Variants in MCTP2 observed in about 807,000 individuals in gnomAD.
The protein encoded by MCTP2 is multiple C2 and transmembrane domain containing 2.
In MCTP2, 132 loss-of-function variants were observed where a neutral mutation model predicts 111.6. That is an observed-to-expected ratio of 1.18 (90% CI 1.03 to 1.37). MCTP2 has a LOEUF of 1.37. Among genes scored for constraint, MCTP2 ranks in the 40% most tolerant of loss-of-function variants. The probability of loss-of-function intolerance (pLI) is 0.00; values close to 1 mark genes in which losing one functional copy is unlikely to be tolerated. For missense variants in MCTP2, 1,183 were observed against 1,067.9 expected, an observed-to-expected ratio of 1.11 and a Z score of -1.50; for synonymous variants, 395 against 387.7, an observed-to-expected ratio of 1.02 and a Z score of -0.22.
At chr15:94,472,400 C>A (rs561751495) in intron 21 of MCTP2, among the ~76,000 whole-genome samples, 1 of 152,020 alleles carries the variant, frequency 6.6e-6, no homozygotes, top group African/African-American at 2.4e-5. Flanking sequence ...AACAAAAAAA[C>A]GAAAAAGACA....
chr15:94,476,854 G>C (rs2074410115), intron 22 of MCTP2, 61 bp downstream of exon 22: 4 of 960,252 alleles, frequency 4.2e-6, no homozygotes, highest in Non-Finnish European at 6.7e-6. Context: ...CAGCCCCGGA[G>C]CCAGAGGAAC....
intron 8 of MCTP2, among the ~76,000 whole-genome samples, chr15:94,347,509 G>A (rs1441503406): frequency 1.3e-5 from 2 of 152,058 alleles, no homozygotes; most frequent in Non-Finnish European, 2.9e-5. Context: ...TTCCTGAATG[G>A]CCTTTGTAGA....
intron 18 of MCTP2, 135 bp from the exon 19 acceptor site, chr15:94,442,784 G>C: frequency 1.4e-6 from 1 of 702,362 alleles, no homozygotes; most frequent in East Asian, 2.5e-5. Context: ...AAGAGTTATT[G>C]TTTAAGAGGT....
chr15:94,311,027 T>TTA (rs1555449854), intron 2 of MCTP2, among the ~76,000 whole-genome samples: 11 of 149,080 alleles, frequency 7.4e-5, no homozygotes, highest in Admixed American at 1.3e-4. Flanking sequence ...TTTTTTTTTT[T>TTA]TTTTTTTTTA....
chr15:94,273,612 C>A, intron 1 of MCTP2: 1 of 202,024 alleles, frequency 4.9e-6, no homozygotes. Flanking sequence ...AAGAGCTGAG[C>A]AGAAATACAA....
chr15:94,244,383 C>T (rs527675717), intron 1 of MCTP2, among the ~76,000 whole-genome samples: 1 of 149,154 alleles, frequency 6.7e-6, no homozygotes, highest in South Asian at 2.1e-4. Flanking sequence ...TATATGTATA[C>T]ACATAAATAT....
chr15:94,354,052 A>G (rs2078467138), intron 8 of MCTP2, among the ~76,000 whole-genome samples: 1 of 151,622 alleles, frequency 6.6e-6, no homozygotes, highest in Non-Finnish European at 1.5e-5. Context: ...ATTATTCCGG[A>G]TGGAACATAT....
In MCTP2 at chr15:94,434,909, G is replaced by T. The variant is rs150095050; in HGVS notation, c.2086-5267G>T. On this transcript the variant is annotated intron_variant, in intron 17 of 22. Transcript: ENST00000357742. ...CAGTTTTGTTTGCTCCTTCACCCAG[G>T]CTAGAGTGAAGTGGCGCGATCTTAG... 2.5e-3 allele frequency among the ~76,000 whole-genome samples: 379 copies of T among 149,704 alleles called. 1 individual carries two copies. Among genetic ancestry groups the T allele is most frequent in the African/African-American group, 8.9e-3 (361 of 40,452 alleles).
At chr15:94,444,016 TAG>T (rs2083977454) in intron 19 of MCTP2, among the ~76,000 whole-genome samples, 1 of 141,392 alleles carries the variant, frequency 7.1e-6, no homozygotes, top group Non-Finnish European at 1.5e-5. Context: ...ACAGAAGTAT[TAG>T]TGAAATTATT....
At chr15:94,473,630 C>G (rs1292452098) in intron 21 of MCTP2, among the ~76,000 whole-genome samples, 2 of 152,160 alleles carry the variant, frequency 1.3e-5, no homozygotes. Context: ...GTTGAAACCA[C>G]TTCTGTTTTT....
chr15:94,255,215 T>C (rs1353945022), intron 1 of MCTP2, among the ~76,000 whole-genome samples: 3 of 152,220 alleles, frequency 2.0e-5, no homozygotes, highest in Non-Finnish European at 2.9e-5. Flanking sequence ...CATAAATGAT[T>C]TCAAATACAT....
At chr15:94,330,282 T>C (rs936797761) in intron 4 of MCTP2, among the ~76,000 whole-genome samples, 2 of 152,212 alleles carry the variant, frequency 1.3e-5, no homozygotes, top group Non-Finnish European at 2.9e-5. Context: ...TAAAGGCTGG[T>C]GTCTATTTTC....
At position 94,478,994 on chromosome 15, in the gene MCTP2, G is replaced by A; in HGVS notation, c.2597G>A (p.Ser866Asn). The change falls in exon 23 of 23, where the codon AGC becomes AAC. Residue 866 changes from serine to asparagine, a missense_variant. Physicochemically the swap from Ser to Asn is conservative, Grantham distance 46. Coordinates refer to ENST00000357742, the MANE Select transcript of MCTP2 (RefSeq NM_001385001.1). Reference protein sequence around the residue: ...KVQYAELKLCSSHSPLRKKRS... With the variant: ...KVQYAELKLCNSHSPLRKKRS... The stretch of plus-strand genomic sequence containing the variant: ...CAGTATGCAGAATTGAAACTCTGCA[G>A]CAGCCACAGCCCCCTGCGGAAGAAG... 7 of 1,614,056 alleles carry A rather than the reference G, an allele frequency of 4.3e-6. No individual in the cohort carries two copies. Among genetic ancestry groups the A allele is most frequent in the Non-Finnish European group, 5.9e-6 (7 of 1,179,994 alleles).
chr15:94,300,558 T>C (rs540317276), intron 2 of MCTP2, among the ~76,000 whole-genome samples: 1 of 148,768 alleles, frequency 6.7e-6, no homozygotes, highest in African/African-American at 2.5e-5. Flanking sequence ...TAAACAGAAA[T>C]ATTTGAATGC....
At chr15:94,244,446 A>T (rs933756142) in intron 1 of MCTP2, among the ~76,000 whole-genome samples, 9 of 148,186 alleles carry the variant, frequency 6.1e-5, no homozygotes, top group African/African-American at 9.9e-5. Context: ...ATGTTTATAT[A>T]CGTATATGTA....
chr15:94,480,900 G>T lies in MCTP2; in HGVS notation c.*1866G>T, dbSNP rs969519481. 1.3e-5 allele frequency: 2 copies of T among 152,224 alleles called. No homozygotes were observed. The highest frequency in any genetic ancestry group is 2.9e-5 in the Non-Finnish European group (2 of 68,040). The allele number at this position is 152,224 out of a possible 1,614,324, so 9.4% of individuals were successfully genotyped here. On this transcript the variant is annotated 3_prime_UTR_variant, in exon 23 of 23. Coordinates refer to ENST00000357742, the MANE Select transcript of MCTP2 (RefSeq NM_001385001.1). The stretch of plus-strand genomic sequence containing the variant: ...CTGTAGCCCGATTGAAATTCTCAGT[G>T]TTAAGTTTAGGACCCAAACACCAGC...
intron 1 of MCTP2, among the ~76,000 whole-genome samples, chr15:94,285,532 G>A (rs2074709638): frequency 1.3e-5 from 2 of 152,002 alleles, no homozygotes; most frequent in African/African-American, 4.8e-5. Context: ...TTGTTGAATG[G>A]TACATTAACT....
intron 14 of MCTP2, among the ~76,000 whole-genome samples, chr15:94,387,628 C>T (rs2080589288): frequency 1.3e-5 from 2 of 152,162 alleles, no homozygotes; most frequent in Admixed American, 6.5e-5. Flanking sequence ...CCAGGCAGTG[C>T]TTTAGGTGAT....
At chr15:94,257,310 C>G (rs1489294364) in intron 1 of MCTP2, among the ~76,000 whole-genome samples, 1 of 152,072 alleles carries the variant, frequency 6.6e-6, no homozygotes, top group African/African-American at 2.4e-5. Flanking sequence ...GGACCCTTGT[C>G]TGATTTGACC....
Sources: gnomAD v4.1 joint callset for allele counts (sites outside exome capture counted in the v4.1 genomes callset) on GRCh38, gnomAD v4.1.1 for gene constraint, MANE v1.5 for transcripts, NCBI Gene and HGNC (gene_info 2026-07-23, HGNC 2026-07-21) for gene names.